ROR1: variants seen among roughly 807,000 people sequenced by gnomAD.
The protein encoded by ROR1 is inactive tyrosine-protein kinase transmembrane receptor ROR1.
Under a neutral mutation model 78.8 loss-of-function variants are expected in ROR1, and 19 were observed. The ratio of observed to expected loss-of-function variants is 0.24; its 90% CI spans 0.17 to 0.35. ROR1 has a LOEUF of 0.35. ROR1 is among the 10% of genes least tolerant of loss of function. The pLI, the probability that ROR1 is intolerant of heterozygous loss-of-function variation, is 1.00. For missense variants in ROR1, 917 were observed against 1,177.8 expected, an observed-to-expected ratio of 0.78 and a Z score of 3.24; for synonymous variants, 386 against 433.6, an observed-to-expected ratio of 0.89 and a Z score of 1.36.
chr1:63,936,513 C>CT (rs1645795753), intron 1 of ROR1, among the ~76,000 whole-genome samples: 1 of 152,130 alleles, frequency 6.6e-6, no homozygotes, highest in East Asian at 1.9e-4. Context: ...GAATATATGA[C>CT]TAAGTTAAGA....
rs906278017 is a variant in ROR1 at position 63,915,194 on chromosome 1, C to A, written c.92-94111C>A. Among the ~76,000 whole-genome samples the A allele has an allele frequency of 8.5e-5, 13 of 152,262 alleles. 1 individual carries two copies. The South Asian group carries it at 2.7e-3, about 32-fold the overall frequency. ...AGTAAGTGGCAAAGTTACATTAAAC[C>A]CAGTTCTGACTCCACCATCTCAACC... On this transcript the variant is annotated intron_variant, in intron 1 of 8. Transcript: ENST00000371079.
intron 4 of ROR1, among the ~76,000 whole-genome samples, chr1:64,122,901 C>T (rs979988648): frequency 1.3e-5 from 2 of 152,226 alleles, no homozygotes; most frequent in East Asian, 1.9e-4. Context: ...CCTGATGCTC[C>T]GGGTGAAGTT....
At chr1:63,838,613 TAA>T (rs1029298580) in intron 1 of ROR1, among the ~76,000 whole-genome samples, 2 of 152,118 alleles carry the variant, frequency 1.3e-5, no homozygotes, top group Non-Finnish European at 2.9e-5. Context: ...GTTAAAAAAA[TAA>T]AAAGTTTATA....
At chr1:63,843,614 C>G (rs1261026266) in intron 1 of ROR1, 5 of 647,416 alleles carry the variant, frequency 7.7e-6, no homozygotes, top group Non-Finnish European at 1.5e-5. Flanking sequence ...CCTCCTCTGG[C>G]ATTGAAGACT....
intron 1 of ROR1, among the ~76,000 whole-genome samples, chr1:63,902,117 T>C (rs139168755): frequency 2.3e-3 from 356 of 152,292 alleles, no homozygotes; most frequent in African/African-American, 5.7e-3. Flanking sequence ...ATATATTCAG[T>C]TTAAGTCTGC....
intron 1 of ROR1, among the ~76,000 whole-genome samples, chr1:63,900,969 A>G (rs1428780283): frequency 6.6e-6 from 1 of 152,050 alleles, no homozygotes; most frequent in Non-Finnish European, 1.5e-5. Context: ...TGAGCTTCTG[A>G]GGTGGTAGCA....
rs1049114242 is a variant in ROR1 at position 63,823,841 on chromosome 1, G to A, written c.91+49333G>A. The stretch of plus-strand genomic sequence containing the variant: ...CGGCTTACTGCAACCTCTGCCTCCC[G>A]GGTTCAAGCCATTCTCCTGTCTCAG... On this transcript the variant is annotated intron_variant, in intron 1 of 8. Coordinates refer to ENST00000371079, the MANE Select transcript of ROR1 (RefSeq NM_005012.4). 6.6e-5 allele frequency among the ~76,000 whole-genome samples: 10 copies of A among 151,522 alleles called. No individual in the cohort carries two copies. The South Asian group carries it at 2.1e-3, about 32-fold the overall frequency.
intron 1 of ROR1, among the ~76,000 whole-genome samples, chr1:63,787,476 T>G (rs201330887): frequency 0.022 from 2,876 of 132,518 alleles, 124 homozygotes; most frequent in African/African-American, 0.081. Context: ...CTTCCTTCCT[T>G]CCTTCCTGCC....
intron 1 of ROR1, among the ~76,000 whole-genome samples, chr1:63,891,631 A>G (rs987944452): frequency 1.3e-5 from 2 of 152,166 alleles, no homozygotes; most frequent in African/African-American, 4.8e-5. Flanking sequence ...TGAGTACAGA[A>G]TATCTGCCCT....
chr1:64,137,444 C>G lies in ROR1; in HGVS notation c.558C>G (p.Thr186=). 1 of 1,613,864 alleles carries G rather than the reference C, an allele frequency of 6.2e-7. No homozygotes were observed. Residue 186 remains threonine (T), a synonymous_variant, in exon 5 of 9, where the codon ACC becomes ACG. Transcript: ENST00000371079. ...IACARFIGNR[T]VYMESLHMQG... ...GTGCAAGATTTATTGGCAACCGCAC[C>G]GTCTATATGGAGTCTTTGCACATGC...
intron 4 of ROR1, among the ~76,000 whole-genome samples, chr1:64,119,906 G>A (rs57223698): frequency 0.3 from 46,243 of 152,124 alleles, 7,464 homozygotes; most frequent in African/African-American, 0.34. Context: ...GCTCTTGGAT[G>A]CTGTGACTTA....
At chr1:63,833,873 T>C (rs1645003836) in intron 1 of ROR1, among the ~76,000 whole-genome samples, 2 of 152,074 alleles carry the variant, frequency 1.3e-5, no homozygotes, top group African/African-American at 4.8e-5. Context: ...CCCTTGAATG[T>C]TGCAAATATA....
intron 1 of ROR1, among the ~76,000 whole-genome samples, chr1:63,993,260 A>G (rs1371580209): frequency 2.0e-5 from 3 of 152,214 alleles, no homozygotes; most frequent in African/African-American, 7.2e-5. Flanking sequence ...GGAGTCCCGT[A>G]AAACTCCGGG....
intron 1 of ROR1, among the ~76,000 whole-genome samples, chr1:63,865,671 A>G (rs1303754515): frequency 6.6e-6 from 1 of 152,210 alleles, no homozygotes; most frequent in African/African-American, 2.4e-5. Context: ...CACTTGATAA[A>G]TGATGCTCGT....
chr1:63,959,715 G>C (rs1646012851), intron 1 of ROR1, among the ~76,000 whole-genome samples: 1 of 152,140 alleles, frequency 6.6e-6, no homozygotes, highest in Admixed American at 6.5e-5. Flanking sequence ...GAATCAACAT[G>C]AGCTAAGGAG....
chr1:64,049,703 C>A lies in ROR1; in HGVS notation c.176C>A (p.Thr59Asn). 6.2e-7 allele frequency: 1 copy of A among 1,613,734 alleles called. No homozygotes were observed. Among genetic ancestry groups the A allele is most frequent in the Non-Finnish European group, 8.5e-7 (1 of 1,179,790 alleles). Reference sequence around the variant, plus strand: ...TCTGTGCTCACAGATTCTTACCTGACCCTCGATGAACCAATGAATAACATC... The same window carrying A: ...TCTGTGCTCACAGATTCTTACCTGAACCTCGATGAACCAATGAATAACATC... ...SSELNKDSYL[T>N]LDEPMNNITT... Residue 59 changes from threonine (T) to asparagine (N), a missense_variant, in exon 3 of 9, where the codon ACC (threonine) becomes AAC (asparagine). This residue lies in a region of ROR1 where 19 missense variants were observed against 50.9 expected (regional missense o/e 0.37). Coordinates refer to ENST00000371079, the MANE Select transcript of ROR1 (RefSeq NM_005012.4).
Position 64,159,071 on chromosome 1 carries a change from T to C in ROR1, c.1265T>C (p.Phe422Ser). 1 of 1,614,188 alleles carries C rather than the reference T, an allele frequency of 6.2e-7. No homozygotes were observed. Among genetic ancestry groups the C allele is most frequent in the Non-Finnish European group, 8.5e-7 (1 of 1,180,006 alleles). ...VAIPLAIALL[F>S]FFICVCRNNQ... Reference sequence around the variant, plus strand: ...ATTCCCCTGGCCATTGCTTTACTCTTCTTCTTCATTTGCGTCTGTCGGAAT... The same window carrying C: ...ATTCCCCTGGCCATTGCTTTACTCTCCTTCTTCATTTGCGTCTGTCGGAAT... The change falls in exon 8 of 9, where the codon TTC (phenylalanine) becomes TCC (serine). Residue 422 changes from phenylalanine to serine, a missense_variant. Phe to Ser is a radical substitution (Grantham distance 155). Transcript: ENST00000371079.
rs367994985 is a variant in ROR1 at position 64,011,854 on chromosome 1, T to C, written c.163+2478T>C. Among the ~76,000 whole-genome samples, 390 of 152,286 alleles carry C rather than the reference T, an allele frequency of 2.6e-3. 3 individuals carry two copies. Among genetic ancestry groups the C allele is most frequent in the South Asian group, 0.016 (76 of 4,820 alleles). ...TCTGGTCTAGGAACTCTATGAAAATTAGGATATAAAGATAAACCAGGCAAA... is the reference window on the plus strand; with the variant it reads ...TCTGGTCTAGGAACTCTATGAAAATCAGGATATAAAGATAAACCAGGCAAA... On this transcript the variant is annotated intron_variant, in intron 2 of 8. Transcript: ENST00000371079.
rs559761515 is a variant in ROR1 at position 64,138,153 on chromosome 1, G to A, written c.610+657G>A. Among the ~76,000 whole-genome samples the A allele has an allele frequency of 7.2e-5, 11 of 152,342 alleles. No homozygotes were observed. In the South Asian group the frequency reaches 1.0e-3, roughly 14 times the overall value. On this transcript the variant is annotated intron_variant, in intron 5 of 8. Coordinates refer to ENST00000371079, the MANE Select transcript of ROR1 (RefSeq NM_005012.4). ...TGCCTCATAGGATTTTGCACGCATC[G>A]TTCTGGTGGTTACAGCAGCTTTGTC...
Sources: allele counts gnomAD v4.1 joint callset (sites outside exome capture counted in the v4.1 genomes callset), GRCh38; gene constraint gnomAD v4.1.1; regional missense constraint gnomAD v4.1.1; transcripts MANE v1.5; gene names NCBI Gene and HGNC (gene_info 2026-07-23, HGNC 2026-07-21).